LRP1B: variants seen among roughly 807,000 people sequenced by gnomAD.
The protein encoded by LRP1B is low-density lipoprotein receptor-related protein 1B.
Under a neutral mutation model 556.6 loss-of-function variants are expected in LRP1B, and 217 were observed. That is an observed-to-expected ratio of 0.39 (90% CI 0.35 to 0.44). The LOEUF (loss-of-function observed/expected upper bound fraction) is 0.44. Ranked by LOEUF, LRP1B falls within the 20% of genes least tolerant of loss-of-function variation. The pLI is 1.00. For missense variants in LRP1B, 5,053 were observed against 5,620.8 expected, an observed-to-expected ratio of 0.90 and a Z score of 3.23; for synonymous variants, 2,047 against 1,865.8, an observed-to-expected ratio of 1.10 and a Z score of -2.50.
chr2:140,394,811 T>C (rs1684179727), intron 66 of LRP1B, among the ~76,000 whole-genome samples: 1 of 152,194 alleles, frequency 6.6e-6, no homozygotes, highest in African/African-American at 2.4e-5. Flanking sequence ...TTTGAGGTCA[T>C]GCCTATAGAT....
chr2:142,053,038 T>G (rs1704520156), intron 1 of LRP1B, among the ~76,000 whole-genome samples: 2 of 151,966 alleles, frequency 1.3e-5, no homozygotes, highest in African/African-American at 4.8e-5. Context: ...TAAGGCAAAA[T>G]AAAAAGTGCC....
chr2:140,551,854 G>A (rs1465414675), intron 43 of LRP1B, among the ~76,000 whole-genome samples: 1 of 152,118 alleles, frequency 6.6e-6, no homozygotes, highest in Non-Finnish European at 1.5e-5. Flanking sequence ...TTAGTTATCA[G>A]TAAGAGCTAA....
At chr2:142,038,440 A>G (rs1703959875) in intron 1 of LRP1B, among the ~76,000 whole-genome samples, 1 of 151,670 alleles carries the variant, frequency 6.6e-6, no homozygotes, top group Admixed American at 6.6e-5. Context: ...TATTTGGTAC[A>G]TTTAGTTCTC....
intron 1 of LRP1B, among the ~76,000 whole-genome samples, chr2:141,835,081 T>TA (rs1697229622): frequency 6.6e-6 from 1 of 152,006 alleles, no homozygotes; most frequent in Non-Finnish European, 1.5e-5. Context: ...AATCAGTTCA[T>TA]AAAAAATGTT....
chr2:140,728,554 T>G (rs2105491770), intron 35 of LRP1B, among the ~76,000 whole-genome samples: 1 of 152,242 alleles, frequency 6.6e-6, no homozygotes, highest in East Asian at 1.9e-4. Flanking sequence ...TATTTTTCAG[T>G]AAGAAAAAAG....
At chr2:142,096,908 T>C (rs977613047) in intron 1 of LRP1B, among the ~76,000 whole-genome samples, 2 of 151,572 alleles carry the variant, frequency 1.3e-5, no homozygotes, top group African/African-American at 4.8e-5. Context: ...GTTTCTATTG[T>C]TGACATCTTC....
At chr2:141,000,894 A>T in intron 15 of LRP1B, among the ~76,000 whole-genome samples, 1 of 129,206 alleles carries the variant, frequency 7.7e-6, no homozygotes, top group South Asian at 2.8e-4. Flanking sequence ...TCATTTATTT[A>T]TCAATCTGTC....
intron 5 of LRP1B, among the ~76,000 whole-genome samples, chr2:141,241,988 A>G (rs1400267518): frequency 6.6e-6 from 1 of 152,154 alleles, no homozygotes; most frequent in Non-Finnish European, 1.5e-5. Context: ...CAGTCATTCT[A>G]CAAGAAGCCA....
chr2:141,233,203 C>CATT (rs1683535387), intron 5 of LRP1B, among the ~76,000 whole-genome samples: 1 of 152,156 alleles, frequency 6.6e-6, no homozygotes, highest in Non-Finnish European at 1.5e-5. Flanking sequence ...AGGTAATGAA[C>CATT]ATTAACCTTC....
intron 41 of LRP1B, among the ~76,000 whole-genome samples, chr2:140,650,645 G>A (rs537780470): frequency 8.5e-5 from 13 of 152,178 alleles, no homozygotes; most frequent in Non-Finnish European, 1.2e-4. Flanking sequence ...CACCATGCCC[G>A]GCCGACAGTT....
intron 3 of LRP1B, among the ~76,000 whole-genome samples, chr2:141,303,962 G>A (rs1030629139): frequency 6.6e-6 from 1 of 151,990 alleles, no homozygotes; most frequent in Non-Finnish European, 1.5e-5. Flanking sequence ...TTCTAATTGG[G>A]GGAAAGATGA....
chr2:141,183,100 C>A (rs1202841162), intron 7 of LRP1B, among the ~76,000 whole-genome samples: 3 of 151,882 alleles, frequency 2.0e-5, no homozygotes, highest in Non-Finnish European at 4.4e-5. Flanking sequence ...GGGGAGCAAT[C>A]TCTGTATTTA....
intron 1 of LRP1B, among the ~76,000 whole-genome samples, chr2:141,891,784 A>T (rs1699299800): frequency 6.6e-6 from 1 of 152,234 alleles, no homozygotes; most frequent in South Asian, 2.1e-4. Flanking sequence ...CTTCATATTA[A>T]TAAGCATTAG....
Position 141,017,501 on chromosome 2 carries a change from T to C in LRP1B, c.1971-1586A>G, listed in dbSNP as rs1166738107. On this transcript the variant is annotated intron_variant, in intron 12 of 90. Transcript: ENST00000389484. ...CACGCACACACGAGACAGAGATAAA[T>C]CTGGATATTCTAAATATACTGCATA... Among the ~76,000 whole-genome samples the C allele has an allele frequency of 3.3e-5, 5 of 151,662 alleles. No individual in the cohort carries two copies. In the Admixed American group the frequency reaches 3.3e-4, roughly 10 times the overall value.
intron 2 of LRP1B, among the ~76,000 whole-genome samples, chr2:141,644,048 GTGTA>G (rs1574185143): frequency 3.3e-5 from 5 of 150,564 alleles, no homozygotes; most frequent in Non-Finnish European, 5.9e-5. Context: ...GTGTGTGTGT[GTGTA>G]TGTGAGTAAA....
chr2:141,414,100 G>A (rs765640815), intron 3 of LRP1B, among the ~76,000 whole-genome samples: 3 of 151,806 alleles, frequency 2.0e-5, no homozygotes, highest in Admixed American at 6.6e-5. Flanking sequence ...AGCCGGGTGT[G>A]GTGGCGGGTG....
intron 15 of LRP1B, among the ~76,000 whole-genome samples, chr2:141,003,812 A>C (rs978225143): frequency 1.3e-5 from 2 of 152,006 alleles, no homozygotes; most frequent in Non-Finnish European, 2.9e-5. Flanking sequence ...CAAATCACAA[A>C]CTGTATTACA....
At chr2:141,928,053 C>G (rs1700384758) in intron 1 of LRP1B, among the ~76,000 whole-genome samples, 1 of 152,074 alleles carries the variant, frequency 6.6e-6, no homozygotes, top group Non-Finnish European at 1.5e-5. Context: ...TCAGCTCACT[C>G]CAGTAGGGCT....
chr2:141,394,626 A>G (rs777995383), intron 3 of LRP1B, among the ~76,000 whole-genome samples: 9 of 152,092 alleles, frequency 5.9e-5, no homozygotes, highest in Non-Finnish European at 8.8e-5. Context: ...ATGGTGTATC[A>G]ATGTCAGCAC....
Sources: gnomAD v4.1 joint callset for allele counts (sites outside exome capture counted in the v4.1 genomes callset) on GRCh38, gnomAD v4.1.1 for gene constraint, MANE v1.5 for transcripts, NCBI Gene and HGNC (gene_info 2026-07-23, HGNC 2026-07-21) for gene names.